Variants in COMMD1 observed in about 807,000 individuals in gnomAD.
The protein encoded by COMMD1 is COMM domain-containing protein 1.
A neutral mutation model predicts 17.2 loss-of-function variants in COMMD1; 10 were observed. That is an observed-to-expected ratio of 0.58 (90% CI 0.36 to 0.99). The LOEUF is 0.99. COMMD1 is among the 50% of genes least tolerant of loss of function. The probability of loss-of-function intolerance (pLI) is 0.01; values close to 1 mark genes in which losing one functional copy is unlikely to be tolerated. For synonymous variants in COMMD1, 97 were observed against 91.6 expected (o/e 1.06, Z -0.34); for missense variants, 270 against 231.8 (o/e 1.17, Z -1.07).
At chr2:61,986,892 G>C (rs532617690) in intron 1 of COMMD1, among the ~76,000 whole-genome samples, 7 of 151,766 alleles carry the variant, frequency 4.6e-5, no homozygotes, top group African/African-American at 9.7e-5. Flanking sequence ...TGTTTCCTTT[G>C]ACTGTGTGTT....
At chr2:62,016,398 CG>C (rs1324070900) in intron 2 of COMMD1, among the ~76,000 whole-genome samples, 1 of 150,294 alleles carries the variant, frequency 6.7e-6, no homozygotes, top group African/African-American at 2.4e-5. Flanking sequence ...TTTGTAGAGA[CG>C]GGGTTTTGCC....
At chr2:61,978,487 A>G (rs965803533) in intron 1 of COMMD1, among the ~76,000 whole-genome samples, 5 of 152,204 alleles carry the variant, frequency 3.3e-5, no homozygotes, top group Admixed American at 3.3e-4. Flanking sequence ...TTAGCAATTT[A>G]CTAAAAAATG....
intron 2 of COMMD1, among the ~76,000 whole-genome samples, chr2:62,103,424 C>T (rs115787511): frequency 0.021 from 3,266 of 152,230 alleles, 102 homozygotes; most frequent in African/African-American, 0.075. Context: ...ATTAATCTGC[C>T]CCATGTCAGT....
intron 2 of COMMD1, among the ~76,000 whole-genome samples, chr2:62,112,959 A>C (rs1384019306): frequency 5.3e-5 from 8 of 152,176 alleles, no homozygotes; most frequent in Admixed American, 4.6e-4. Flanking sequence ...AAATGTTCTA[A>C]ATATACTGAA....
At chr2:61,888,629 G>C (rs1330556862), upstream of COMMD1, 3 of 1,228,288 alleles carry the variant, frequency 2.4e-6, no homozygotes, top group East Asian at 2.7e-5. Context: ...AGCGGCGCCG[G>C]CGTCGGGAGG....
intron 2 of COMMD1, among the ~76,000 whole-genome samples, chr2:62,132,518 T>G (rs1673070027): frequency 6.6e-6 from 1 of 152,198 alleles, no homozygotes; most frequent in African/African-American, 2.4e-5. Context: ...AATCACTAAT[T>G]TCTAGACCAT....
intron 2 of COMMD1, among the ~76,000 whole-genome samples, chr2:62,061,554 C>CA (rs1403891362): frequency 7.6e-6 from 1 of 131,542 alleles, no homozygotes; most frequent in Non-Finnish European, 1.7e-5. Context: ...TCTTTCTTTT[C>CA]TTTTTTTTTT....
chr2:61,968,533 C>G (rs1049060237), intron 1 of COMMD1, among the ~76,000 whole-genome samples: 1 of 149,498 alleles, frequency 6.7e-6, no homozygotes, highest in Non-Finnish European at 1.5e-5. Flanking sequence ...ACTATATCTA[C>G]TTAGAGTTTT....
intron 2 of COMMD1, among the ~76,000 whole-genome samples, chr2:62,082,888 A>G (rs1409660227): frequency 2.0e-5 from 3 of 152,230 alleles, no homozygotes; most frequent in African/African-American, 7.2e-5. Context: ...ATACAGTAAA[A>G]AAACAAGTTT....
intron 2 of COMMD1, among the ~76,000 whole-genome samples, chr2:62,085,540 C>T (rs1223348386): frequency 1.3e-5 from 2 of 151,424 alleles, no homozygotes; most frequent in African/African-American, 2.4e-5. Flanking sequence ...TTTTTCTAGA[C>T]GAAAGATAAA....
intron 2 of COMMD1, among the ~76,000 whole-genome samples, chr2:62,099,138 G>T (rs1672102364): frequency 6.6e-6 from 1 of 152,196 alleles, no homozygotes; most frequent in African/African-American, 2.4e-5. Flanking sequence ...AAATGAAATT[G>T]TCTGGACAAG....
chr2:61,999,560 C>T (rs1668863152), intron 1 of COMMD1, among the ~76,000 whole-genome samples: 1 of 152,110 alleles, frequency 6.6e-6, no homozygotes. Context: ...AAGATTTTAT[C>T]AAACAACCAA....
intron 2 of COMMD1, among the ~76,000 whole-genome samples, chr2:62,096,579 A>G (rs997410680): frequency 6.6e-6 from 1 of 152,104 alleles, no homozygotes; most frequent in African/African-American, 2.4e-5. Flanking sequence ...AGATTTTTAT[A>G]TAGGGGTTGG....
chr2:61,990,913 C>T (rs1473962457), intron 1 of COMMD1, among the ~76,000 whole-genome samples: 4 of 148,756 alleles, frequency 2.7e-5, no homozygotes, highest in Middle Eastern at 3.2e-3. Context: ...TACACACACA[C>T]ACACACACAC....
At chr2:61,951,946 C>T (rs902595043) in intron 1 of COMMD1, among the ~76,000 whole-genome samples, 4 of 152,212 alleles carry the variant, frequency 2.6e-5, no homozygotes, top group Non-Finnish European at 4.4e-5. Context: ...GAGATTCATT[C>T]ATGTTTCTTG....
At chr2:61,903,490 A>G (rs1481691156), upstream of COMMD1, among the ~76,000 whole-genome samples, 1 of 151,940 alleles carries the variant, frequency 6.6e-6, no homozygotes, top group East Asian at 1.9e-4. Context: ...CATTAATTAA[A>G]GTAGTCTAGA....
intron 2 of COMMD1, among the ~76,000 whole-genome samples, chr2:62,014,552 T>TAG: frequency 1.2e-5 from 1 of 80,598 alleles, no homozygotes; most frequent in African/African-American, 6.5e-5. Flanking sequence ...CTTTTTTTTT[T>TAG]TTTTTTTTTT....
At chr2:62,034,157 G>C (rs1399095689) in intron 2 of COMMD1, among the ~76,000 whole-genome samples, 1 of 151,928 alleles carries the variant, frequency 6.6e-6, no homozygotes, top group Non-Finnish European at 1.5e-5. Context: ...AGCCTGTTGG[G>C]GTGGAAATGT....
At chr2:61,934,818 A>G (rs988838029) in intron 1 of COMMD1, among the ~76,000 whole-genome samples, 14 of 152,196 alleles carry the variant, frequency 9.2e-5, no homozygotes, top group East Asian at 3.9e-4. Context: ...GGGTCTTGCT[A>G]TGTTGTCCAG....
Sources: allele counts gnomAD v4.1 joint callset (sites outside exome capture counted in the v4.1 genomes callset), GRCh38; gene constraint gnomAD v4.1.1; transcripts MANE v1.5; gene names NCBI Gene and HGNC (gene_info 2026-07-23, HGNC 2026-07-21).